The following KHDRBS2 variants were observed in gnomAD, a reference collection of about 807,000 sequenced individuals.
KHDRBS2 encodes the protein KH domain-containing, RNA-binding, signal transduction-associated protein 2.
KHDRBS2 carries 26 observed loss-of-function variants against 44.3 expected under a neutral mutation model. The observed-to-expected ratio is 0.59, with a 90% CI of 0.43 to 0.81. KHDRBS2 has a LOEUF of 0.81. Among genes scored for constraint, KHDRBS2 ranks in the 40% least tolerant of loss-of-function variants. KHDRBS2 has a pLI of 0.00. For missense variants in KHDRBS2, 476 were observed against 433.1 expected (o/e 1.10, Z -0.88); for synonymous variants, 194 against 151.1 (o/e 1.28, Z -2.08).
chr6:61,898,608 T>A (rs1803367396), intron 5 of KHDRBS2, among the ~76,000 whole-genome samples: 1 of 151,872 alleles, frequency 6.6e-6, no homozygotes, highest in African/African-American at 2.4e-5. Context: ...TGTCAAAATG[T>A]GAAAAACATG....
chr6:62,241,579 T>C (rs931620767), intron 1 of KHDRBS2, among the ~76,000 whole-genome samples: 7 of 152,162 alleles, frequency 4.6e-5, no homozygotes, highest in African/African-American at 1.4e-4. Flanking sequence ...GTTGACGGCA[T>C]AGCACACCAT....
At chr6:61,823,029 C>T (rs1163723182) in intron 6 of KHDRBS2, among the ~76,000 whole-genome samples, 1 of 151,966 alleles carries the variant, frequency 6.6e-6, no homozygotes, top group Admixed American at 6.6e-5. Flanking sequence ...GTGTCTGACA[C>T]AATGCCTAGG....
the KHDRBS2 span, among the ~76,000 whole-genome samples, chr6:61,576,164 TTGCCTC>T: frequency 0.034 from 5,219 of 152,220 alleles, 291 homozygotes; most frequent in African/African-American, 0.12. Flanking sequence ...AATCTGGAAA[TTGCCTC>T]GGGCAGTATG....
At chr6:62,270,355 G>A (rs59786149) in intron 1 of KHDRBS2, among the ~76,000 whole-genome samples, 148 of 118,038 alleles carry the variant, frequency 1.3e-3, no homozygotes, top group Admixed American at 5.3e-3. Flanking sequence ...TCTCTCTCTC[G>A]CCATGTGACA....
chr6:62,232,133 C>A (rs1832991664), intron 1 of KHDRBS2, among the ~76,000 whole-genome samples: 1 of 151,882 alleles, frequency 6.6e-6, no homozygotes, highest in Non-Finnish European at 1.5e-5. Context: ...AAGGAGAGAC[C>A]TTTTTGCTTC....
intron 1 of KHDRBS2, among the ~76,000 whole-genome samples, chr6:62,221,477 T>C (rs1830883506): frequency 6.6e-6 from 1 of 152,052 alleles, no homozygotes; most frequent in Admixed American, 6.6e-5. Flanking sequence ...GGAGAAAAAA[T>C]GGTTAACTAT....
intron 2 of KHDRBS2, among the ~76,000 whole-genome samples, chr6:62,078,455 C>T (rs537935202): frequency 1.3e-5 from 2 of 151,736 alleles, no homozygotes; most frequent in Admixed American, 6.6e-5. Flanking sequence ...TTTTATAGTA[C>T]AAAAATGTTA....
chr6:61,728,256 CAG>C (rs895859417), intron 7 of KHDRBS2, among the ~76,000 whole-genome samples: 13 of 151,582 alleles, frequency 8.6e-5, no homozygotes, highest in African/African-American at 3.2e-4. Flanking sequence ...CAGGGACACA[CAG>C]GGGGAGCAAG....
intron 4 of KHDRBS2, among the ~76,000 whole-genome samples, chr6:61,934,564 A>T (rs1249665964): frequency 6.6e-6 from 1 of 152,194 alleles, no homozygotes; most frequent in Non-Finnish European, 1.5e-5. Context: ...GAATTGTACA[A>T]TCCAGTGTAA....
intron 1 of KHDRBS2, among the ~76,000 whole-genome samples, chr6:62,257,850 T>C (rs373441117): frequency 3.0e-4 from 46 of 151,996 alleles, no homozygotes; most frequent in African/African-American, 1.1e-3. Context: ...TAAACTCACA[T>C]CCATCTTCTG....
chr6:61,976,249 A>AT (rs1158993619), intron 4 of KHDRBS2, among the ~76,000 whole-genome samples: 1 of 152,128 alleles, frequency 6.6e-6, no homozygotes, highest in African/African-American at 2.4e-5. Context: ...GTAAATATTT[A>AT]TTGTGCTAGG....
the KHDRBS2 span, among the ~76,000 whole-genome samples, chr6:61,655,780 G>T: frequency 1.3e-5 from 2 of 151,972 alleles, no homozygotes; most frequent in Non-Finnish European, 2.9e-5. Flanking sequence ...TGTTGAAGTA[G>T]TCCATTTCAC....
chr6:62,159,715 T>G (rs1448403236), intron 2 of KHDRBS2, among the ~76,000 whole-genome samples: 2 of 152,172 alleles, frequency 1.3e-5, no homozygotes, highest in Non-Finnish European at 1.5e-5. Context: ...TAACACATAT[T>G]TTGTATGTTA....
At chr6:61,917,838 T>C (rs1562439277) in intron 4 of KHDRBS2, among the ~76,000 whole-genome samples, 2 of 152,004 alleles carry the variant, frequency 1.3e-5, no homozygotes, top group Non-Finnish European at 1.5e-5. Context: ...GATAAGAATA[T>C]GATTTCAATA....
chr6:61,989,679 G>T (rs750379562), intron 3 of KHDRBS2, among the ~76,000 whole-genome samples: 20 of 152,312 alleles, frequency 1.3e-4, no homozygotes, highest in Middle Eastern at 3.4e-3. Flanking sequence ...TCTGGAAAGA[G>T]GAGAGTTTTT....
chr6:61,831,631 T>C (rs1229197001), intron 6 of KHDRBS2, among the ~76,000 whole-genome samples: 1 of 152,146 alleles, frequency 6.6e-6, no homozygotes, highest in East Asian at 1.9e-4. Flanking sequence ...TTTATGAATG[T>C]AATTAATATG....
the KHDRBS2 span, among the ~76,000 whole-genome samples, chr6:61,631,305 CAAAAAAAAAA>C: frequency 0.066 from 4,422 of 67,044 alleles, 106 homozygotes; most frequent in East Asian, 0.15. Context: ...ACGAATAAGC[CAAAAAAAAAA>C]AAAAAAAAAA....
chr6:61,771,513 C>CA (rs1780903467), intron 6 of KHDRBS2, among the ~76,000 whole-genome samples: 3 of 151,516 alleles, frequency 2.0e-5, no homozygotes, highest in Non-Finnish European at 2.9e-5. Flanking sequence ...AAATGGAAGA[C>CA]AAAAAAAGGC....
At chr6:62,109,502 A>C (rs765841216) in intron 2 of KHDRBS2, among the ~76,000 whole-genome samples, 58 of 152,188 alleles carry the variant, frequency 3.8e-4, no homozygotes, top group Admixed American at 9.2e-4. Context: ...TTAGAAAATA[A>C]GTCTTTATTC....
Sources: gnomAD v4.1 joint callset for allele counts (sites outside exome capture counted in the v4.1 genomes callset) on GRCh38, gnomAD v4.1.1 for gene constraint, MANE v1.5 for transcripts, NCBI Gene and HGNC (gene_info 2026-07-23, HGNC 2026-07-21) for gene names.